RNLS: variants seen among roughly 807,000 people sequenced by gnomAD.
The protein encoded by RNLS is renalase, FAD dependent amine oxidase, also known as renalase.
In RNLS, 39 loss-of-function variants were observed where a neutral mutation model predicts 39.8. The ratio of observed to expected loss-of-function variants is 0.98; its 90% CI spans 0.76 to 1.28. RNLS has a LOEUF of 1.28. Among genes scored for constraint, RNLS ranks in the 50% most tolerant of loss-of-function variants. RNLS has a pLI of 0.00. For synonymous variants in RNLS, 147 were observed against 150.7 expected (o/e 0.98, Z 0.18); for missense variants, 410 against 413.3 (o/e 0.99, Z 0.07).
At chr10:88,225,206 C>A in the RNLS span, among the ~76,000 whole-genome samples, 1 of 152,186 alleles carries the variant, frequency 6.6e-6, no homozygotes, top group African/African-American at 2.4e-5. Context: ...CACGAGTGTA[C>A]ACATACAGCT....
At chr10:88,547,320 G>A (rs1352841686) in intron 4 of RNLS, among the ~76,000 whole-genome samples, 1 of 152,094 alleles carries the variant, frequency 6.6e-6, no homozygotes, top group Non-Finnish European at 1.5e-5. Flanking sequence ...GCCTGTCCTG[G>A]CACATGCATG....
the RNLS span, among the ~76,000 whole-genome samples, chr10:88,248,489 A>G: frequency 6.6e-6 from 1 of 152,212 alleles, no homozygotes; most frequent in South Asian, 2.1e-4. Flanking sequence ...AAGAGGGCCA[A>G]GATCAAGACA....
At chr10:88,582,354 T>C (rs1418447443) in intron 1 of RNLS, 47 bp from the exon 2 acceptor site, 1 of 1,485,238 alleles carries the variant, frequency 6.7e-7, no homozygotes, top group African/African-American at 1.4e-5. Context: ...ACAATGAGCC[T>C]TAGCAATTAA....
chr10:88,223,215 G>A, the RNLS span, among the ~76,000 whole-genome samples: 4 of 152,098 alleles, frequency 2.6e-5, no homozygotes, highest in East Asian at 1.9e-4. Flanking sequence ...TAGGTTTCCC[G>A]GCAGTTTTTT....
chr10:88,385,121 C>A (rs1032299992), intron 4 of RNLS, among the ~76,000 whole-genome samples: 1 of 152,206 alleles, frequency 6.6e-6, no homozygotes, highest in African/African-American at 2.4e-5. Flanking sequence ...TCAGCAAATG[C>A]TAGCTCATTT....
In RNLS at chr10:88,443,384, G is replaced by A. The variant is rs558335559; in HGVS notation, c.527-80659C>T. ...ACAGCTCCAGTCTACAGCTCCCAGC[G>A]TGAGCGACACAGAAGACGGGTGATT... On this transcript the variant is annotated intron_variant, in intron 4 of 6. Coordinates refer to ENST00000331772, the MANE Select transcript of RNLS (RefSeq NM_001031709.3). Among the ~76,000 whole-genome samples, 20 of 152,264 alleles carry A rather than the reference G, an allele frequency of 1.3e-4. No individual in the cohort carries two copies. The East Asian group carries it at 2.3e-3, about 18-fold the overall frequency.
chr10:88,581,946 G>C (rs1850596614), intron 2 of RNLS, among the ~76,000 whole-genome samples: 1 of 152,158 alleles, frequency 6.6e-6, no homozygotes, highest in African/African-American at 2.4e-5. Flanking sequence ...TTAGTCAAAG[G>C]CCTATTTCTC....
intron 4 of RNLS, among the ~76,000 whole-genome samples, chr10:88,379,360 A>ATT (rs1669991337): frequency 6.6e-6 from 1 of 152,180 alleles, no homozygotes; most frequent in Non-Finnish European, 1.5e-5. Context: ...AATATTTTGA[A>ATT]CAAAAAAAAT....
intron 6 of RNLS, among the ~76,000 whole-genome samples, chr10:88,289,188 A>G (rs1166275393): frequency 2.0e-5 from 3 of 152,128 alleles, no homozygotes; most frequent in Non-Finnish European, 4.4e-5. Flanking sequence ...AGCAATTTAA[A>G]CCCATGTCAA....
the RNLS span, among the ~76,000 whole-genome samples, chr10:88,201,333 G>A: frequency 6.6e-6 from 1 of 152,154 alleles, no homozygotes; most frequent in African/African-American, 2.4e-5. Flanking sequence ...ATGTTGGCTT[G>A]TGACATTTTG....
chr10:88,310,144 C>T (rs961427142), intron 6 of RNLS, among the ~76,000 whole-genome samples: 2 of 152,174 alleles, frequency 1.3e-5, no homozygotes, highest in East Asian at 1.9e-4. Flanking sequence ...CCGGGGAAGT[C>T]GAGGCTGCAG....
chr10:88,429,216 A>G (rs1476116243), intron 4 of RNLS, among the ~76,000 whole-genome samples: 3 of 152,028 alleles, frequency 2.0e-5, no homozygotes. Context: ...CAAGTAATTA[A>G]ACCTATCTGA....
chr10:88,220,704 A>G, the RNLS span, among the ~76,000 whole-genome samples: 2 of 152,226 alleles, frequency 1.3e-5, no homozygotes, highest in African/African-American at 4.8e-5. Flanking sequence ...CTCCTGCCCT[A>G]GTATTGTTTT....
chr10:88,270,066 A>G (rs887228556), downstream of RNLS, among the ~76,000 whole-genome samples: 2 of 152,150 alleles, frequency 1.3e-5, no homozygotes, highest in African/African-American at 4.8e-5. Context: ...ATTTCTGACA[A>G]AGCCCTGAGA....
intron 5 of RNLS, among the ~76,000 whole-genome samples, chr10:88,361,114 G>A (rs1296419252): frequency 1.3e-5 from 2 of 152,314 alleles, no homozygotes; most frequent in Non-Finnish European, 2.9e-5. Flanking sequence ...CTCACATGGT[G>A]TGTGCAAGCC....
At chr10:88,412,742 A>C (rs1417944276) in intron 4 of RNLS, among the ~76,000 whole-genome samples, 1 of 152,178 alleles carries the variant, frequency 6.6e-6, no homozygotes, top group Non-Finnish European at 1.5e-5. Context: ...AATAATAAAA[A>C]TAAAGTGATC....
At chr10:88,193,077 C>G in the RNLS span, among the ~76,000 whole-genome samples, 2 of 152,032 alleles carry the variant, frequency 1.3e-5, no homozygotes, top group Non-Finnish European at 2.9e-5. Flanking sequence ...GAGCCAGGAG[C>G]CTGGAAAATC....
intron 4 of RNLS, among the ~76,000 whole-genome samples, chr10:88,480,108 G>C (rs1844068725): frequency 6.6e-6 from 1 of 152,014 alleles, no homozygotes; most frequent in South Asian, 2.1e-4. Flanking sequence ...AATTTGCATA[G>C]GCCTATTTTC....
rs141012114 is a variant in RNLS at position 88,286,428 on chromosome 10, T to A, written c.877-922A>T. Reference sequence around the variant, plus strand: ...CAAAATTTGGATGGATGATGGCTAATAAGCATTTGCAGTAAGGAGAATGAG... The same window carrying A: ...CAAAATTTGGATGGATGATGGCTAAAAAGCATTTGCAGTAAGGAGAATGAG... On this transcript the variant is annotated intron_variant, in intron 6 of 6. Transcript: ENST00000331772. 1.1e-4 allele frequency among the ~76,000 whole-genome samples: 17 copies of A among 152,274 alleles called. 1 individual carries two copies. The East Asian group carries it at 2.9e-3, about 26-fold the overall frequency.
Sources: gnomAD v4.1 joint callset for allele counts (sites outside exome capture counted in the v4.1 genomes callset) on GRCh38, gnomAD v4.1.1 for gene constraint, MANE v1.5 for transcripts, NCBI Gene and HGNC (gene_info 2026-07-23, HGNC 2026-07-21) for gene names.